The following CMSS1 variants were observed in gnomAD, a reference collection of about 807,000 sequenced individuals.
CMSS1 encodes cms1 ribosomal small subunit homolog.
In CMSS1, 33 loss-of-function variants were observed where a neutral mutation model predicts 43.5. The ratio of observed to expected loss-of-function variants is 0.76; its 90% confidence interval spans 0.57 to 1.01. The LOEUF (loss-of-function observed/expected upper bound fraction) is 1.01, where lower values mean the gene tolerates loss of function less well. Among genes scored for constraint, CMSS1 ranks in the 50% least tolerant of loss-of-function variants. The pLI is 0.00. For missense variants in CMSS1, 313 were observed against 326.4 expected (o/e 0.96, Z 0.32); for synonymous variants, 115 against 117.2 (o/e 0.98, Z 0.12).
chr3:100,088,205 C>T (rs1175602354), intron 1 of CMSS1, among the ~76,000 whole-genome samples: 1 of 152,122 alleles, frequency 6.6e-6, no homozygotes, highest in African/African-American at 2.4e-5. Flanking sequence ...ATGGAAAAGG[C>T]AGTGAAACAG....
chr3:99,848,466 G>A, intron 1 of CMSS1: 1 of 1,614,186 alleles, frequency 6.2e-7, no homozygotes, highest in Non-Finnish European at 8.5e-7. Context: ...CAGCTTGCAT[G>A]TAAGGACTTC....
chr3:100,028,415 G>C (rs558174680), intron 1 of CMSS1, among the ~76,000 whole-genome samples: 1 of 152,230 alleles, frequency 6.6e-6, no homozygotes, highest in Admixed American at 6.5e-5. Flanking sequence ...GGCAACAGCT[G>C]GTGGTTGTTT....
intron 1 of CMSS1, among the ~76,000 whole-genome samples, chr3:99,905,702 A>G (rs1312841668): frequency 6.6e-6 from 1 of 152,152 alleles, no homozygotes; most frequent in African/African-American, 2.4e-5. Flanking sequence ...TCCAGTTGAT[A>G]TCCACTTTCT....
intron 2 of CMSS1, among the ~76,000 whole-genome samples, chr3:100,155,942 A>T (rs541543863): frequency 3.9e-5 from 6 of 152,226 alleles, no homozygotes; most frequent in African/African-American, 1.4e-4. Context: ...TTCTTTGCCC[A>T]TGATTTTCTG....
At chr3:99,959,866 C>T (rs1047949718) in intron 1 of CMSS1, among the ~76,000 whole-genome samples, 3 of 152,114 alleles carry the variant, frequency 2.0e-5, no homozygotes, top group Non-Finnish European at 2.9e-5. Flanking sequence ...GACTGAGCCC[C>T]CCAGCCCACT....
At chr3:100,126,784 G>A (rs1050340769) in intron 1 of CMSS1, among the ~76,000 whole-genome samples, 1 of 152,166 alleles carries the variant, frequency 6.6e-6, no homozygotes, top group Non-Finnish European at 1.5e-5. Context: ...GGATCACGAG[G>A]TCAGGAGATC....
chr3:99,974,220 C>T (rs779570486), intron 1 of CMSS1, among the ~76,000 whole-genome samples: 2 of 152,176 alleles, frequency 1.3e-5, no homozygotes, highest in Non-Finnish European at 2.9e-5. Context: ...AAGGACTTGT[C>T]GTTTTTATCT....
chr3:100,004,398 C>T (rs534672244), intron 1 of CMSS1, among the ~76,000 whole-genome samples: 1 of 152,186 alleles, frequency 6.6e-6, no homozygotes, highest in East Asian at 1.9e-4. Flanking sequence ...ATCAAATATT[C>T]TTTGTGTTCA....
chr3:100,147,188 T>C (rs1329177414), intron 2 of CMSS1, 127 bp downstream of exon 2: 4 of 1,043,376 alleles, frequency 3.8e-6, no homozygotes, highest in African/African-American at 3.2e-5. Context: ...TTTACTTTCT[T>C]TCCCTTTGAA....
intron 1 of CMSS1, among the ~76,000 whole-genome samples, chr3:100,141,910 C>A (rs919033595): frequency 6.6e-6 from 1 of 152,120 alleles, no homozygotes; most frequent in African/African-American, 2.4e-5. Context: ...CCTGGAGGAA[C>A]CTGAGTACTG....
intron 1 of CMSS1, chr3:99,850,792 AGTT>A (rs1392687224): frequency 6.2e-7 from 1 of 1,614,126 alleles, no homozygotes; most frequent in South Asian, 1.1e-5. Flanking sequence ...CTGCGTTTGC[AGTT>A]CCTTCTCTAG....
At position 99,850,714 on chromosome 3, in the gene CMSS1, C is replaced by T. The variant is rs756569513; in HGVS notation, c.64+32671C>T. The T allele has an allele frequency of 6.2e-5, 100 of 1,614,010 alleles. 1 individual carries two copies. In the Admixed American group the frequency reaches 6.5e-4, roughly 10 times the overall value. ...TGCTGCCAGCTTTTGTTGAAGCTGG[C>T]GATTTTGACTGTCCTCATTGGTGAG... is the stretch of plus-strand genomic sequence containing the variant. On this transcript the variant is annotated intron_variant, in intron 1 of 9. Transcript: ENST00000421999.
chr3:100,012,786 G>A, intron 1 of CMSS1, among the ~76,000 whole-genome samples: 1 of 140,020 alleles, frequency 7.1e-6, no homozygotes, highest in East Asian at 2.1e-4. Context: ...TTTTGGGTTG[G>A]GGGAGGGACA....
intron 1 of CMSS1, among the ~76,000 whole-genome samples, chr3:99,991,106 C>T (rs2107131660): frequency 6.6e-6 from 1 of 152,292 alleles, no homozygotes; most frequent in Admixed American, 6.5e-5. Context: ...CAAAAAAATT[C>T]TTCCCATCTC....
At chr3:99,936,937 T>C (rs1297875944) in intron 1 of CMSS1, among the ~76,000 whole-genome samples, 2 of 152,300 alleles carry the variant, frequency 1.3e-5, no homozygotes, top group South Asian at 4.1e-4. Flanking sequence ...TATTTTCTTT[T>C]CTTTCTTTTC....
intron 1 of CMSS1, among the ~76,000 whole-genome samples, chr3:100,082,761 T>C (rs2065951616): frequency 6.6e-6 from 1 of 152,244 alleles, no homozygotes; most frequent in African/African-American, 2.4e-5. Flanking sequence ...TTTCTGTTTC[T>C]GTGAGGTCCA....
At chr3:99,930,846 C>A (rs1287267448) in intron 1 of CMSS1, 1 of 1,612,808 alleles carries the variant, frequency 6.2e-7, no homozygotes, top group Admixed American at 1.7e-5. Context: ...TGGCCATTAC[C>A]ACTGTGTGGC....
chr3:100,122,888 A>AT (rs1291104718), intron 1 of CMSS1, among the ~76,000 whole-genome samples: 3 of 152,248 alleles, frequency 2.0e-5, no homozygotes, highest in Non-Finnish European at 4.4e-5. Flanking sequence ...AAAACATAAA[A>AT]TATAAAGATG....
intron 1 of CMSS1, among the ~76,000 whole-genome samples, chr3:100,051,470 A>T (rs2065371501): frequency 6.6e-6 from 1 of 150,900 alleles, no homozygotes; most frequent in African/African-American, 2.4e-5. Flanking sequence ...CTCGTCATTT[A>T]ACATTAGGTA....
Sources: gnomAD v4.1 joint callset for allele counts (sites outside exome capture counted in the v4.1 genomes callset) on GRCh38, gnomAD v4.1.1 for gene constraint, MANE v1.5 for transcripts, NCBI Gene and HGNC (gene_info 2026-07-23, HGNC 2026-07-21) for gene names.